Variants in UBR3 observed in about 807,000 individuals in gnomAD.
UBR3 encodes the protein E3 ubiquitin-protein ligase UBR3.
UBR3 carries 85 observed loss-of-function variants against 243.2 expected under a neutral mutation model. That is an observed-to-expected ratio of 0.35 (90% CI 0.29 to 0.42). UBR3 has a LOEUF of 0.42. UBR3 is among the 10% of genes least tolerant of loss of function. The probability of loss-of-function intolerance (pLI) is 1.00; values close to 1 mark genes in which losing one functional copy is unlikely to be tolerated. For synonymous variants in UBR3, 748 were observed against 799.8 expected, an observed-to-expected ratio of 0.94 and a Z score of 1.09; for missense variants, 1,686 against 2,300.8, an observed-to-expected ratio of 0.73 and a Z score of 5.47.
chr2:170,062,301 A>G (rs995772497), intron 35 of UBR3, among the ~76,000 whole-genome samples: 4 of 152,226 alleles, frequency 2.6e-5, no homozygotes, highest in Non-Finnish European at 4.4e-5. Flanking sequence ...CTTATCTGCC[A>G]TTCAGTTCTA....
At chr2:170,039,045 A>T (rs575696510) in intron 31 of UBR3, among the ~76,000 whole-genome samples, 1 of 152,298 alleles carries the variant, frequency 6.6e-6, no homozygotes, top group South Asian at 2.1e-4. Context: ...TGGCAATTGA[A>T]ATCATGGATT....
rs1250342884 is a variant in UBR3 at position 169,986,752 on chromosome 2, G to A, written c.3742G>A (p.Asp1248Asn). ...TGGACAGAGTGGCCCCTCCTCTGAAGATCGACCTACTGGATTAGTTGTACT... is the reference window on the plus strand; with the variant it reads ...TGGACAGAGTGGCCCCTCCTCTGAAAATCGACCTACTGGATTAGTTGTACT... ...ICGQSGPSSE[D>N]RPTGLVVLLQ... The change falls in exon 25 of 39, where the codon GAT becomes AAT. Residue 1248 changes from aspartate to asparagine, a missense_variant. Physicochemically the swap from Asp to Asn is conservative, Grantham distance 23 (BLOSUM62 1). This residue lies in a region of UBR3 where 156 missense variants were observed against 246.3 expected (regional missense o/e 0.63). Coordinates refer to ENST00000272793, the MANE Select transcript of UBR3 (RefSeq NM_172070.4). 1 of 1,614,050 alleles carries A rather than the reference G, an allele frequency of 6.2e-7. No individual in the cohort carries two copies.
intron 5 of UBR3, among the ~76,000 whole-genome samples, chr2:169,883,012 G>T (rs1363395271): frequency 1.3e-5 from 2 of 152,148 alleles, no homozygotes; most frequent in Admixed American, 1.3e-4. Context: ...CTATAAAGTG[G>T]ATAAACCATG....
chr2:170,015,774 T>C (rs957913148), intron 30 of UBR3, among the ~76,000 whole-genome samples: 4 of 151,964 alleles, frequency 2.6e-5, no homozygotes, highest in African/African-American at 9.6e-5. Context: ...TTGATGTGTA[T>C]ATTAAAATGT....
intron 35 of UBR3, among the ~76,000 whole-genome samples, chr2:170,072,227 GAATAC>G (rs1479221746): frequency 6.6e-6 from 1 of 152,142 alleles, no homozygotes; most frequent in Admixed American, 6.5e-5. Flanking sequence ...ATACGCCATG[GAATAC>G]TATGCAGCCA....
At chr2:169,925,528 A>T in intron 13 of UBR3, 91 bp from the exon 14 acceptor site, 1 of 1,182,754 alleles carries the variant, frequency 8.5e-7, no homozygotes, top group Non-Finnish European at 1.2e-6. Context: ...TACTATGATC[A>T]CATCATTAAA....
chr2:170,069,892 T>C (rs937898394), intron 35 of UBR3, among the ~76,000 whole-genome samples: 11 of 152,146 alleles, frequency 7.2e-5, no homozygotes, highest in African/African-American at 2.4e-4. Flanking sequence ...TTATAACATA[T>C]GCACACCCTC....
At chr2:169,976,139 G>A (rs2088429835) in intron 24 of UBR3, among the ~76,000 whole-genome samples, 1 of 151,314 alleles carries the variant, frequency 6.6e-6, no homozygotes, top group African/African-American at 2.4e-5. Flanking sequence ...CAGGCAGTGT[G>A]TATGCTTTAA....
At chr2:170,065,888 C>G (rs958255579) in intron 35 of UBR3, among the ~76,000 whole-genome samples, 2 of 151,698 alleles carry the variant, frequency 1.3e-5, no homozygotes, top group Non-Finnish European at 2.9e-5. Context: ...TAGTGCACAT[C>G]CAGTACTATT....
At chr2:170,029,491 G>A (rs758861804) in intron 31 of UBR3, 43 bp downstream of exon 31, 40 of 1,443,942 alleles carry the variant, frequency 2.8e-5, no homozygotes, top group Middle Eastern at 1.8e-4. Context: ...AACTCTTTAT[G>A]AAAAACAGGT....
chr2:169,911,570 TAGG>T (rs1027008574), intron 10 of UBR3, among the ~76,000 whole-genome samples: 2 of 151,920 alleles, frequency 1.3e-5, no homozygotes, highest in Admixed American at 1.3e-4. Context: ...AGTGGGAAAA[TAGG>T]AGAGAGACAA....
chr2:169,886,253 G>A (rs1191530008), intron 5 of UBR3, among the ~76,000 whole-genome samples: 1 of 152,126 alleles, frequency 6.6e-6, no homozygotes, highest in Non-Finnish European at 1.5e-5. Flanking sequence ...GTAGGGCAGG[G>A]AATCACATAA....
intron 33 of UBR3, among the ~76,000 whole-genome samples, chr2:170,059,100 G>A (rs16857554): frequency 0.051 from 7,745 of 151,892 alleles, 384 homozygotes; most frequent in African/African-American, 0.13. Context: ...AGCTTCAAGA[G>A]CCTACTTTTT....
intron 8 of UBR3, among the ~76,000 whole-genome samples, chr2:169,898,622 A>G (rs1337364224): frequency 6.8e-6 from 1 of 146,174 alleles, no homozygotes; most frequent in Non-Finnish European, 1.5e-5. Flanking sequence ...TTGTAGGTAT[A>G]GTGGGAGCAT....
intron 32 of UBR3, among the ~76,000 whole-genome samples, chr2:170,045,934 G>C (rs903426666): frequency 2.0e-5 from 3 of 151,150 alleles, no homozygotes; most frequent in Non-Finnish European, 2.9e-5. Flanking sequence ...TATCCCATCA[G>C]TGTTCAAATT....
rs577225486 is a variant in UBR3 at position 169,923,773 on chromosome 2, A to G, written c.1867-156A>G. 6.6e-5 allele frequency among the ~76,000 whole-genome samples: 10 copies of G among 152,348 alleles called. No individual in the cohort carries two copies. In the South Asian group the frequency reaches 1.2e-3, roughly 19 times the overall value. Reference sequence around the variant, plus strand: ...TGTTTAAAATGGAAAAATTTTATCTATAGTGATTTTGGAATCTGCATCTTC... The same window carrying G: ...TGTTTAAAATGGAAAAATTTTATCTGTAGTGATTTTGGAATCTGCATCTTC... On this transcript the variant is annotated intron_variant, in intron 11 of 38. Coordinates refer to ENST00000272793, the MANE Select transcript of UBR3 (RefSeq NM_172070.4).
intron 8 of UBR3, among the ~76,000 whole-genome samples, chr2:169,899,994 C>T (rs1462445849): frequency 6.6e-6 from 1 of 152,092 alleles, no homozygotes; most frequent in Non-Finnish European, 1.5e-5. Flanking sequence ...TGATTTATAA[C>T]CCTTTGGGTA....
intron 1 of UBR3, among the ~76,000 whole-genome samples, chr2:169,830,468 T>C (rs1369933949): frequency 6.6e-6 from 1 of 152,178 alleles, no homozygotes; most frequent in Non-Finnish European, 1.5e-5. Context: ...TTATTACTTT[T>C]ATTATTCTCA....
chr2:169,991,139 C>T lies in UBR3; in HGVS notation c.3785-3184C>T, dbSNP rs114275040. ...AAGAAGGAGATTATATATTGATAAACAGCCAATCCATCATGAAGGTATTAT... is the reference window on the plus strand; with the variant it reads ...AAGAAGGAGATTATATATTGATAAATAGCCAATCCATCATGAAGGTATTAT... On this transcript the variant is annotated intron_variant, in intron 25 of 38. Coordinates refer to ENST00000272793, the MANE Select transcript of UBR3 (RefSeq NM_172070.4). 2.4e-3 allele frequency among the ~76,000 whole-genome samples: 361 copies of T among 152,222 alleles called. 2 individuals carry two copies. Among genetic ancestry groups the T allele is most frequent in the African/African-American group, 8.4e-3 (350 of 41,544 alleles).
Sources: gnomAD v4.1 joint callset for allele counts (sites outside exome capture counted in the v4.1 genomes callset) on GRCh38, gnomAD v4.1.1 for gene constraint, gnomAD v4.1.1 regional missense constraint, MANE v1.5 for transcripts, NCBI Gene and HGNC (gene_info 2026-07-23, HGNC 2026-07-21) for gene names.